Variants in DPP6 observed in about 807,000 individuals in gnomAD.
DPP6 encodes A-type potassium channel modulatory protein DPP6.
Under a neutral mutation model 122.6 loss-of-function variants are expected in DPP6, and 69 were observed. That is an observed-to-expected ratio of 0.56 (90% CI 0.46 to 0.69). The LOEUF (loss-of-function observed/expected upper bound fraction) is 0.69, where lower values mean the gene tolerates loss of function less well. Among genes scored for constraint, DPP6 ranks in the 30% least tolerant of loss-of-function variants. DPP6 has a pLI of 0.00. For missense variants in DPP6, 928 were observed against 1,116.9 expected (o/e 0.83, Z 2.41); for synonymous variants, 418 against 433.1 (o/e 0.97, Z 0.43).
intron 1 of DPP6, among the ~76,000 whole-genome samples, chr7:153,989,983 A>T (rs1243058926): frequency 1.5e-5 from 1 of 66,676 alleles, no homozygotes; most frequent in Non-Finnish European, 2.9e-5. Flanking sequence ...CCAACAGCTC[A>T]CCCCCCTGCC....
chr7:153,940,334 G>A (rs991553716), intron 1 of DPP6, among the ~76,000 whole-genome samples: 6 of 152,106 alleles, frequency 3.9e-5, no homozygotes, highest in Non-Finnish European at 7.4e-5. Flanking sequence ...TGGTGGGATT[G>A]ATATGGACAA....
At chr7:154,089,148 C>T (rs1804634956) in intron 1 of DPP6, among the ~76,000 whole-genome samples, 1 of 152,222 alleles carries the variant, frequency 6.6e-6, no homozygotes, top group African/African-American at 2.4e-5. Flanking sequence ...GAGTGACTCA[C>T]AACAGCATAA....
At chr7:154,039,241 T>A (rs1799651266) in intron 1 of DPP6, among the ~76,000 whole-genome samples, 1 of 144,274 alleles carries the variant, frequency 6.9e-6, no homozygotes, top group Non-Finnish European at 1.5e-5. Flanking sequence ...GTGGATCTCT[T>A]GATGTCCTAG....
intron 10 of DPP6, among the ~76,000 whole-genome samples, chr7:154,783,038 C>T (rs1344715951): frequency 6.6e-6 from 1 of 152,144 alleles, no homozygotes; most frequent in African/African-American, 2.4e-5. Flanking sequence ...CCCACCTCGG[C>T]CTCCCAAAGT....
chr7:154,230,743 T>A (rs1182293421), intron 1 of DPP6, among the ~76,000 whole-genome samples: 1 of 152,266 alleles, frequency 6.6e-6, no homozygotes, highest in Non-Finnish European at 1.5e-5. Flanking sequence ...AAAAGTGGCC[T>A]TGCAGATTTT....
chr7:154,399,253 G>A (rs933110638), intron 1 of DPP6, among the ~76,000 whole-genome samples: 2 of 152,246 alleles, frequency 1.3e-5, no homozygotes, highest in South Asian at 2.1e-4. Context: ...CCAGGTAACC[G>A]TGATCTTTGT....
chr7:154,213,085 C>A (rs142048348), intron 1 of DPP6, among the ~76,000 whole-genome samples: 1 of 152,270 alleles, frequency 6.6e-6, no homozygotes, highest in African/African-American at 2.4e-5. Flanking sequence ...CTGTGTCCTC[C>A]ACAGGTGGGA....
chr7:154,469,983 G>T (rs1259789573), intron 2 of DPP6, among the ~76,000 whole-genome samples: 2 of 152,234 alleles, frequency 1.3e-5, no homozygotes, highest in Non-Finnish European at 2.9e-5. Context: ...TGGTACCGAC[G>T]TTGGAAAATG....
intron 1 of DPP6, among the ~76,000 whole-genome samples, chr7:154,397,352 A>G (rs1815179750): frequency 6.6e-6 from 1 of 152,174 alleles, no homozygotes; most frequent in African/African-American, 2.4e-5. Flanking sequence ...TGGAAGAGAC[A>G]ATCTGCCTGA....
chr7:154,677,153 A>G (rs1052079352), intron 7 of DPP6, among the ~76,000 whole-genome samples: 1 of 152,056 alleles, frequency 6.6e-6, no homozygotes, highest in Non-Finnish European at 1.5e-5. Flanking sequence ...TACTTATGCT[A>G]TTATTCTGTT....
rs772143527 is a variant in DPP6, at chr7:154,223,518, T to C, written c.243+170455T>C. Among the ~76,000 whole-genome samples the C allele has an allele frequency of 5.6e-4, 83 of 149,422 alleles. 6 individuals are homozygous for C. The Middle Eastern group carries it at 0.01, about 18-fold the overall frequency. ...GGGAGATGCTGGTAACAGCCTCTGA[T>C]AGTGGGGTGTAAGCCAGCAAGATCA... On this transcript the variant is annotated intron_variant, in intron 1 of 25. Coordinates refer to ENST00000377770, the MANE Select transcript of DPP6 (RefSeq NM_130797.4).
At chr7:154,658,142 C>G (rs1259991667) in intron 6 of DPP6, among the ~76,000 whole-genome samples, 2 of 152,200 alleles carry the variant, frequency 1.3e-5, no homozygotes, top group Non-Finnish European at 2.9e-5. Context: ...ACTCACAGAA[C>G]ACACAGGCAA....
intron 1 of DPP6, among the ~76,000 whole-genome samples, chr7:154,336,422 G>C (rs780537158): frequency 2.0e-5 from 3 of 152,126 alleles, no homozygotes; most frequent in Non-Finnish European, 4.4e-5. Flanking sequence ...ATAGCAGCAG[G>C]TGCCGTGGCC....
intron 8 of DPP6, among the ~76,000 whole-genome samples, chr7:154,762,474 G>A (rs994330705): frequency 2.6e-5 from 4 of 152,222 alleles, no homozygotes; most frequent in African/African-American, 9.7e-5. Flanking sequence ...GGCATCTTGG[G>A]AAGAGGCTTC....
intron 1 of DPP6, among the ~76,000 whole-genome samples, chr7:154,438,418 C>G (rs1423682019): frequency 8.4e-6 from 1 of 119,158 alleles, no homozygotes; most frequent in African/African-American, 3.2e-5. Flanking sequence ...TGCAGTGAGT[C>G]GAGATAGCAC....
At chr7:153,923,365 A>G (rs998052834) in intron 1 of DPP6, among the ~76,000 whole-genome samples, 1 of 152,198 alleles carries the variant, frequency 6.6e-6, no homozygotes, top group Non-Finnish European at 1.5e-5. Flanking sequence ...CATGCTAAGT[A>G]TTTGAAGTGG....
chr7:154,272,336 T>TACTTC (rs1284475728), intron 1 of DPP6, among the ~76,000 whole-genome samples: 3 of 152,246 alleles, frequency 2.0e-5, no homozygotes, highest in African/African-American at 7.2e-5. Flanking sequence ...ACACCTCTGT[T>TACTTC]ACTTCTTATG....
At chr7:154,549,512 A>G (rs1012901630) in intron 4 of DPP6, among the ~76,000 whole-genome samples, 11 of 152,206 alleles carry the variant, frequency 7.2e-5, no homozygotes, top group Non-Finnish European at 1.3e-4. Flanking sequence ...TAGCGACAAG[A>G]TGACACACAA....
At chr7:154,188,050 G>T (rs1798434861) in intron 1 of DPP6, among the ~76,000 whole-genome samples, 1 of 151,864 alleles carries the variant, frequency 6.6e-6, no homozygotes, top group African/African-American at 2.4e-5. Context: ...CTTTCTCAAT[G>T]TCAGAGCACG....
Sources: allele counts gnomAD v4.1 joint callset (sites outside exome capture counted in the v4.1 genomes callset), GRCh38; gene constraint gnomAD v4.1.1; transcripts MANE v1.5; gene names NCBI Gene and HGNC (gene_info 2026-07-23, HGNC 2026-07-21).